GALNTL6: variants seen among roughly 807,000 people sequenced by gnomAD.
GALNTL6 encodes polypeptide N-acetylgalactosaminyltransferase-like 6.
GALNTL6 carries 46 observed loss-of-function variants against 73.7 expected under a neutral mutation model. That is an observed-to-expected ratio of 0.62 (90% confidence interval 0.49 to 0.80). GALNTL6 has a LOEUF of 0.80. Among genes scored for constraint, GALNTL6 ranks in the 30% least tolerant of loss-of-function variants. The pLI is 0.00. For missense variants in GALNTL6, 604 were observed against 755.0 expected, an observed-to-expected ratio of 0.80 and a Z score of 2.34; for synonymous variants, 259 against 263.7, an observed-to-expected ratio of 0.98 and a Z score of 0.17.
intron 2 of GALNTL6, among the ~76,000 whole-genome samples, chr4:171,827,387 T>C (rs1734851405): frequency 6.6e-6 from 1 of 152,318 alleles, no homozygotes; most frequent in Non-Finnish European, 1.5e-5. Flanking sequence ...AGCCATACTC[T>C]TCTCAAGGCT....
At chr4:172,294,643 C>G (rs1424725823) in intron 3 of GALNTL6, among the ~76,000 whole-genome samples, 4 of 152,064 alleles carry the variant, frequency 2.6e-5, no homozygotes, top group Non-Finnish European at 5.9e-5. Flanking sequence ...AAAAAAAACA[C>G]TTTATCATTA....
chr4:171,955,380 ATC>A (rs58644408), intron 2 of GALNTL6, among the ~76,000 whole-genome samples: 69,296 of 113,204 alleles, frequency 0.61, 16,470 homozygotes, highest in Middle Eastern at 0.71. Flanking sequence ...CTATCTATCT[ATC>A]TATATATATA....
chr4:172,016,149 A>G (rs1436808242), intron 2 of GALNTL6, among the ~76,000 whole-genome samples: 1 of 151,822 alleles, frequency 6.6e-6, no homozygotes, highest in East Asian at 1.9e-4. Flanking sequence ...TTATTCCCTC[A>G]AATATGTTTT....
chr4:172,881,265 T>C (rs1745437779), intron 7 of GALNTL6, among the ~76,000 whole-genome samples: 1 of 152,060 alleles, frequency 6.6e-6, no homozygotes, highest in South Asian at 2.1e-4. Flanking sequence ...GGGTGAAAAA[T>C]GGGAAAAGAT....
rs11455034 is a variant in GALNTL6, at chr4:172,996,850, A to ATTT, written c.1372-12323_1372-12321dup. Among the ~76,000 whole-genome samples, 1,147 of 152,072 alleles carry ATTT rather than the reference A, an allele frequency of 7.5e-3. 21 individuals carry two copies. The highest frequency in any genetic ancestry group is 0.026 in the African/African-American group (1,076 of 41,462). On this transcript the variant is annotated intron_variant, in intron 10 of 12. Coordinates refer to ENST00000506823, the MANE Select transcript of GALNTL6 (RefSeq NM_001034845.3). ...TTCTAACTTTTCCTTTCAGAAATGG[A>ATTT]TTTTTTTAAGTCCAGGTTTAAAATC...
chr4:172,436,650 T>G (rs1731644643), intron 5 of GALNTL6, among the ~76,000 whole-genome samples: 3 of 152,142 alleles, frequency 2.0e-5, no homozygotes, highest in Admixed American at 2.0e-4. Context: ...ATGGAATTTT[T>G]TCTTCTGGTT....
intron 5 of GALNTL6, among the ~76,000 whole-genome samples, chr4:172,432,650 A>G (rs1431461184): frequency 6.6e-6 from 1 of 152,132 alleles, no homozygotes; most frequent in African/African-American, 2.4e-5. Flanking sequence ...TAAATATTCT[A>G]AAAATCATCA....
intron 2 of GALNTL6, among the ~76,000 whole-genome samples, chr4:171,950,364 T>TA (rs571281423): frequency 6.6e-6 from 1 of 151,956 alleles, no homozygotes; most frequent in South Asian, 2.1e-4. Context: ...TAACGTAGGT[T>TA]AAAAAAGAGA....
chr4:171,843,539 A>G (rs978884295), intron 2 of GALNTL6, among the ~76,000 whole-genome samples: 5 of 151,984 alleles, frequency 3.3e-5, no homozygotes, highest in Non-Finnish European at 7.4e-5. Context: ...TACTTCTTTT[A>G]TATTTCACCA....
intron 2 of GALNTL6, among the ~76,000 whole-genome samples, chr4:171,902,182 C>G (rs1047944347): frequency 5.9e-5 from 9 of 151,934 alleles, no homozygotes; most frequent in Non-Finnish European, 1.0e-4. Context: ...CTAATTGAAG[C>G]CTTAGGAGGG....
chr4:173,029,242 C>T (rs1192635722), intron 12 of GALNTL6, among the ~76,000 whole-genome samples: 1 of 152,240 alleles, frequency 6.6e-6, no homozygotes. Context: ...CAGTCACACT[C>T]TCCCAGGTCA....
At chr4:172,496,459 G>A (rs1283901064) in intron 5 of GALNTL6, among the ~76,000 whole-genome samples, 2 of 152,130 alleles carry the variant, frequency 1.3e-5, no homozygotes, top group African/African-American at 4.8e-5. Context: ...GGAGGCTGAG[G>A]TGGGAGAATC....
intron 5 of GALNTL6, among the ~76,000 whole-genome samples, chr4:172,359,801 G>T (rs1349191915): frequency 6.6e-6 from 1 of 152,050 alleles, no homozygotes; most frequent in African/African-American, 2.4e-5. Context: ...TCTACCCACT[G>T]ACTAAAGCAC....
Position 172,385,982 on chromosome 4 carries a change from G to A in GALNTL6, c.553+37293G>A, listed in dbSNP as rs569226782. Among the ~76,000 whole-genome samples, 8 of 151,914 alleles carry A rather than the reference G, an allele frequency of 5.3e-5. No homozygotes were observed. In the South Asian group the frequency reaches 6.2e-4, roughly 12 times the overall value. Reference sequence around the variant, plus strand: ...ATTAACTTAAAGCAATCTAGTTCACGTTAATGTCAACTAAAGTCAATATTA... The same window carrying A: ...ATTAACTTAAAGCAATCTAGTTCACATTAATGTCAACTAAAGTCAATATTA... On this transcript the variant is annotated intron_variant, in intron 5 of 12. Transcript: ENST00000506823.
At chr4:171,912,818 G>C (rs564053053) in intron 2 of GALNTL6, among the ~76,000 whole-genome samples, 2 of 152,178 alleles carry the variant, frequency 1.3e-5, no homozygotes, top group South Asian at 4.1e-4. Flanking sequence ...TCTGTGCCAG[G>C]CTTCCTTCAC....
rs33924519 is a variant in GALNTL6, at chr4:171,914,428, CTT to C, written c.138+99729_138+99730del. Among the ~76,000 whole-genome samples, 280 of 103,816 alleles carry C rather than the reference CTT, an allele frequency of 2.7e-3. 2 individuals carry two copies. Among genetic ancestry groups the C allele is most frequent in the African/African-American group, 7.7e-3 (194 of 25,294 alleles). The allele number at this position is 103,816 out of a possible 152,430, so 68.1% of individuals were successfully genotyped here. On this transcript the variant is annotated intron_variant, in intron 2 of 12. Coordinates refer to ENST00000506823, the MANE Select transcript of GALNTL6 (RefSeq NM_001034845.3). ...TATTTAATATTAAAAGGAAAATGTA[CTT>C]TTTTTTTTTTTTTTTTTTGAGATGG...
intron 8 of GALNTL6, among the ~76,000 whole-genome samples, chr4:172,923,634 C>T (rs185907344): frequency 3.7e-4 from 57 of 152,264 alleles, no homozygotes; most frequent in Admixed American, 3.2e-3. Flanking sequence ...CATGTGTGCA[C>T]ACCAAGGGGA....
intron 5 of GALNTL6, among the ~76,000 whole-genome samples, chr4:172,464,057 CTTTTT>C (rs1239545917): frequency 2.0e-5 from 3 of 151,902 alleles, no homozygotes; most frequent in African/African-American, 7.3e-5. Flanking sequence ...TTTTTCTTTT[CTTTTT>C]CCTTTTATGG....
rs1113949 is a variant in GALNTL6 at position 172,803,176 on chromosome 4, T to G, written c.554-6185T>G. Among the ~76,000 whole-genome samples the G allele has an allele frequency of 4.9e-3, 744 of 152,328 alleles. 10 individuals carry two copies. Among genetic ancestry groups the G allele is most frequent in the African/African-American group, 0.017 (717 of 41,562 alleles). On this transcript the variant is annotated intron_variant, in intron 5 of 12. Transcript: ENST00000506823. ...CCTTGGACTGTTCTGAGAACAGTTA[T>G]ACCTAAAGCTGGGGTCCCCAACCCC...
Sources: gnomAD v4.1 joint callset for allele counts (sites outside exome capture counted in the v4.1 genomes callset) on GRCh38, gnomAD v4.1.1 for gene constraint, MANE v1.5 for transcripts, NCBI Gene and HGNC (gene_info 2026-07-23, HGNC 2026-07-21) for gene names.